Variants in OSBP2 observed in about 807,000 individuals in gnomAD.
The protein encoded by OSBP2 is oxysterol binding protein 2, also known as oxysterol-binding protein 2.
OSBP2 carries 66 observed loss-of-function variants against 96.0 expected under a neutral mutation model. That is an observed-to-expected ratio of 0.69 (90% CI 0.56 to 0.84). The LOEUF is 0.84. Ranked by LOEUF, OSBP2 falls within the 40% of genes least tolerant of loss-of-function variation. The pLI is 0.00. For missense variants in OSBP2, 1,038 were observed against 1,222.7 expected (o/e 0.85, Z 2.25); for synonymous variants, 525 against 520.9 (o/e 1.01, Z -0.11).
At chr22:30,834,349 C>A (rs561587021) in intron 2 of OSBP2, among the ~76,000 whole-genome samples, 1 of 152,314 alleles carries the variant, frequency 6.6e-6, no homozygotes, top group East Asian at 1.9e-4. Context: ...GTTTTCTTCA[C>A]TCTTGGTTAT....
At chr22:30,865,221 C>T (rs564062800) in intron 2 of OSBP2, among the ~76,000 whole-genome samples, 1 of 152,300 alleles carries the variant, frequency 6.6e-6, no homozygotes, top group Admixed American at 6.5e-5. Context: ...TCAGCCAGAG[C>T]CACCTATTAC....
intron 12 of OSBP2, among the ~76,000 whole-genome samples, chr22:30,905,575 A>G (rs2040312931): frequency 6.6e-6 from 1 of 152,250 alleles, no homozygotes; most frequent in Admixed American, 6.5e-5. Flanking sequence ...CAATTCCCAG[A>G]TAAGTCTAAT....
intron 2 of OSBP2, among the ~76,000 whole-genome samples, chr22:30,802,097 C>T (rs2090858497): frequency 6.6e-6 from 1 of 152,192 alleles, no homozygotes; most frequent in South Asian, 2.1e-4. Context: ...GTAGGCAGAG[C>T]CTGGAACCAG....
chr22:30,840,331 A>G (rs2038726649), intron 2 of OSBP2, among the ~76,000 whole-genome samples: 1 of 151,870 alleles, frequency 6.6e-6, no homozygotes, highest in Non-Finnish European at 1.5e-5. Context: ...AAGGAAAAAA[A>G]AAAAGAAAGC....
chr22:30,870,970 C>T lies in OSBP2; in HGVS notation c.1107+288C>T, dbSNP rs975366497. On this transcript the variant is annotated intron_variant, in intron 3 of 13. Transcript: ENST00000332585. This position sits in a 1 kb window ranked among gnomAD's most constrained non-coding sequence, Gnocchi z 4.1. ...TACTTCATGCCTCGATAAGGAAGGTCGGGGCCCCAAGTTAAGTAGCTAGCC... is the reference window on the plus strand; with the variant it reads ...TACTTCATGCCTCGATAAGGAAGGTTGGGGCCCCAAGTTAAGTAGCTAGCC... 1.3e-5 allele frequency among the ~76,000 whole-genome samples: 2 copies of T among 152,138 alleles called. No individual in the cohort carries two copies. Among genetic ancestry groups the T allele is most frequent in the South Asian group, 2.1e-4 (1 of 4,828 alleles).
rs114775188 is a variant in OSBP2, at chr22:30,876,601, G to A, written c.1107+5919G>A. ...CCACAGGCCACCTGTCCCTGGTTGC[G>A]TCTTCCTGCCCTGGTGGCAGTTCCC... On this transcript the variant is annotated intron_variant, in intron 3 of 13. Coordinates refer to ENST00000332585, the MANE Select transcript of OSBP2 (RefSeq NM_030758.4). Among the ~76,000 whole-genome samples, 840 of 152,316 alleles carry A rather than the reference G, an allele frequency of 5.5e-3. 6 individuals are homozygous for A. The highest frequency in any genetic ancestry group is 0.019 in the African/African-American group (800 of 41,578).
At chr22:30,735,090 G>T (rs555907384) in intron 1 of OSBP2, among the ~76,000 whole-genome samples, 12 of 152,318 alleles carry the variant, frequency 7.9e-5, no homozygotes, top group African/African-American at 2.6e-4. Context: ...TACTTGGGAG[G>T]CTGAGACAGG....
At chr22:30,694,443 A>C, upstream of OSBP2, 1 of 1,386,040 alleles carries the variant, frequency 7.2e-7, no homozygotes, top group Non-Finnish European at 9.5e-7. Context: ...CCTGCTTCCC[A>C]CCCGGCTTTC....
chr22:30,873,016 C>T (rs1264193129), intron 3 of OSBP2, among the ~76,000 whole-genome samples: 3 of 152,168 alleles, frequency 2.0e-5, no homozygotes, highest in African/African-American at 4.8e-5. Flanking sequence ...GTAACTAGAA[C>T]ATCCATGCTG....
At chr22:30,893,313 A>G in intron 9 of OSBP2, 71 bp downstream of exon 9, 1 of 1,604,388 alleles carries the variant, frequency 6.2e-7, no homozygotes, top group East Asian at 2.2e-5. Context: ...CTGGTGATGC[A>G]AAAGCCAGCT....
At chr22:30,803,635 G>C (rs1018363488) in intron 2 of OSBP2, among the ~76,000 whole-genome samples, 1 of 152,218 alleles carries the variant, frequency 6.6e-6, no homozygotes, top group African/African-American at 2.4e-5. Context: ...GGCTACAAGC[G>C]AGAAGTAGAG....
upstream of OSBP2, chr22:30,694,451 T>A: frequency 7.4e-7 from 1 of 1,355,880 alleles, no homozygotes; most frequent in Non-Finnish European, 9.7e-7. Context: ...CCACCCGGCT[T>A]TCCTGGGTGG....
chr22:30,817,504 C>T (rs568670625), intron 2 of OSBP2, among the ~76,000 whole-genome samples: 2 of 152,286 alleles, frequency 1.3e-5, no homozygotes, highest in African/African-American at 4.8e-5. Flanking sequence ...TGTGTGGTAT[C>T]ATCAAGGGAG....
intron 2 of OSBP2, among the ~76,000 whole-genome samples, chr22:30,776,698 C>T (rs2090442593): frequency 6.6e-6 from 1 of 151,864 alleles, no homozygotes; most frequent in South Asian, 2.1e-4. Flanking sequence ...CATTTTGATA[C>T]TGTTGCTGAG....
In OSBP2 at chr22:30,766,673, C is replaced by CAT. The variant is rs572821137; in HGVS notation, c.853+25305_853+25306dup. 1.9e-3 allele frequency among the ~76,000 whole-genome samples: 294 copies of CAT among 152,270 alleles called. 1 individual carries two copies. Among genetic ancestry groups the CAT allele is most frequent in the African/African-American group, 6.6e-3 (273 of 41,554 alleles). On this transcript the variant is annotated intron_variant, in intron 2 of 13. Coordinates refer to ENST00000332585, the MANE Select transcript of OSBP2 (RefSeq NM_030758.4). The stretch of plus-strand genomic sequence containing the variant: ...GCCCTGACTCACACCTGGGCCATTT[C>CAT]ATCCAGTGAGACTGAGGGAGGAGCG...
intron 2 of OSBP2, among the ~76,000 whole-genome samples, chr22:30,842,385 G>A (rs2038771344): frequency 6.6e-6 from 1 of 152,104 alleles, no homozygotes; most frequent in Non-Finnish European, 1.5e-5. Flanking sequence ...GGAGGGCCTT[G>A]CCTTGATGTT....
rs1194318178 is a variant in OSBP2, at chr22:30,893,193, C to G, written c.1941C>G (p.Ile647Met). ...SKHGWSLWQE[I>M]TISSKFRGKY... ...ATGGCTGGAGCCTCTGGCAGGAGATCACCATCTCCAGCAAGTTCCGGGGAA... is the reference window on the plus strand; with the variant it reads ...ATGGCTGGAGCCTCTGGCAGGAGATGACCATCTCCAGCAAGTTCCGGGGAA... The change falls in exon 9 of 14, where the codon ATC becomes ATG. Residue 647 changes from isoleucine (I) to methionine (M), a missense_variant. Coordinates refer to ENST00000332585, the MANE Select transcript of OSBP2 (RefSeq NM_030758.4). The G allele has an allele frequency of 1.9e-6, 3 of 1,613,832 alleles. No homozygotes were observed. The highest frequency in any genetic ancestry group is 2.5e-6 in the Non-Finnish European group (3 of 1,179,836).
intron 2 of OSBP2, chr22:30,764,466 G>T: frequency 1.1e-6 from 1 of 910,170 alleles, no homozygotes; most frequent in Non-Finnish European, 1.3e-6. Context: ...TTCCCAGGGA[G>T]TGTGGCGTTG....
chr22:30,732,797 T>C (rs1325980781), intron 1 of OSBP2, among the ~76,000 whole-genome samples: 1 of 152,178 alleles, frequency 6.6e-6, no homozygotes, highest in African/African-American at 2.4e-5. Flanking sequence ...TATTTCTCCC[T>C]CGGTGTCCCC....
Sources: gnomAD v4.1 joint callset for allele counts (sites outside exome capture counted in the v4.1 genomes callset) on GRCh38, gnomAD v4.1.1 for gene constraint, Gnocchi (gnomAD v3.1) non-coding constraint, MANE v1.5 for transcripts, NCBI Gene and HGNC (gene_info 2026-07-23, HGNC 2026-07-21) for gene names.